Variants in PPFIA2 observed in about 807,000 individuals in gnomAD.
PPFIA2 encodes the protein PPFI scaffold protein A2, also known as liprin-alpha-2.
A neutral mutation model predicts 175.5 loss-of-function variants in PPFIA2; 46 were observed. That is an observed-to-expected ratio of 0.26 (90% confidence interval 0.21 to 0.34). PPFIA2 has a LOEUF of 0.34. Ranked by LOEUF, PPFIA2 falls within the 10% of genes least tolerant of loss-of-function variation. PPFIA2 has a pLI of 1.00. For synonymous variants in PPFIA2, 568 were observed against 511.4 expected (o/e 1.11, Z -1.49); for missense variants, 1,179 against 1,506.1 (o/e 0.78, Z 3.60).
At chr12:81,632,780 G>A (rs1431866908) in intron 4 of PPFIA2, among the ~76,000 whole-genome samples, 3 of 151,974 alleles carry the variant, frequency 2.0e-5, no homozygotes, top group Admixed American at 1.3e-4. Context: ...ATGTGTATAA[G>A]GGGTCCCGTT....
rs192750968 is a variant in PPFIA2, at chr12:81,275,130, C to T, written c.3310+2187G>A. ...AAGACATTCATTGTGTGGTCACATGCAAACTTCCTTCTGGGGTCCATCTTT... is the reference window on the plus strand; with the variant it reads ...AAGACATTCATTGTGTGGTCACATGTAAACTTCCTTCTGGGGTCCATCTTT... On this transcript the variant is annotated intron_variant, in intron 28 of 32. Transcript: ENST00000549396. Among the ~76,000 whole-genome samples the T allele has an allele frequency of 1.1e-3, 175 of 152,288 alleles. 2 individuals carry two copies. The highest frequency in any genetic ancestry group is 2.4e-4 in the Non-Finnish European group (16 of 68,008).
chr12:81,371,850 T>C (rs2035191386), intron 11 of PPFIA2, among the ~76,000 whole-genome samples: 2 of 151,630 alleles, frequency 1.3e-5, no homozygotes, highest in African/African-American at 4.8e-5. Context: ...TAACCATTAA[T>C]CAATCATTCT....
At chr12:81,334,422 A>G (rs1363792547) in intron 21 of PPFIA2, among the ~76,000 whole-genome samples, 1 of 151,894 alleles carries the variant, frequency 6.6e-6, no homozygotes, top group African/African-American at 2.4e-5. Flanking sequence ...GGTTCAATAT[A>G]TGTCTATTCA....
At chr12:81,364,545 C>T (rs751461929) in intron 14 of PPFIA2, among the ~76,000 whole-genome samples, 1 of 151,818 alleles carries the variant, frequency 6.6e-6, no homozygotes, top group South Asian at 2.1e-4. Flanking sequence ...CACCACTGCA[C>T]CTGGCTAATT....
At position 81,436,246 on chromosome 12, in the gene PPFIA2, A is replaced by G. The variant is rs2048970047; in HGVS notation, c.645+3726T>C. Among the ~76,000 whole-genome samples, 4 of 126,892 alleles carry G rather than the reference A, an allele frequency of 3.2e-5. No individual in the cohort carries two copies. In the South Asian group the frequency reaches 1.1e-3, roughly 36 times the overall value. The allele number at this position is 126,892 out of a possible 152,430, so 83.2% of individuals were successfully genotyped here. ...CAGTAAGCCTTGATCGTGCCACTGC[A>G]CTCCAGCCTGGGCAACAGAGTGAGA... On this transcript the variant is annotated intron_variant, in intron 7 of 32. Transcript: ENST00000549396.
chr12:81,372,513 G>GAAAAAAAAAAAAAAA (rs3075257), intron 11 of PPFIA2, among the ~76,000 whole-genome samples: 2 of 93,632 alleles, frequency 2.1e-5, no homozygotes, highest in Non-Finnish European at 5.1e-5. Flanking sequence ...AATTGAAACA[G>GAAAAAAAAAAAAAAA]AAAAAAAAAA....
chr12:81,361,984 T>C (rs533357960), intron 15 of PPFIA2, among the ~76,000 whole-genome samples: 4 of 145,484 alleles, frequency 2.7e-5, no homozygotes, highest in African/African-American at 1.0e-4. Flanking sequence ...GATCTATCTA[T>C]GTATCTATCT....
chr12:81,356,226 A>C (rs2060830487), intron 16 of PPFIA2, among the ~76,000 whole-genome samples: 1 of 152,190 alleles, frequency 6.6e-6, no homozygotes, highest in Non-Finnish European at 1.5e-5. Flanking sequence ...GTTGGAGCAG[A>C]AGCACACACA....
At chr12:81,466,187 G>A (rs1327676245) in intron 4 of PPFIA2, among the ~76,000 whole-genome samples, 1 of 152,050 alleles carries the variant, frequency 6.6e-6, no homozygotes, top group East Asian at 1.9e-4. Context: ...AGAAAACTGG[G>A]TTTAAATTCC....
At chr12:81,713,088 T>C (rs1478831875) in intron 3 of PPFIA2, among the ~76,000 whole-genome samples, 1 of 151,242 alleles carries the variant, frequency 6.6e-6, no homozygotes, top group African/African-American at 2.4e-5. Context: ...GTGTGATACA[T>C]AGCCATGATT....
intron 3 of PPFIA2, among the ~76,000 whole-genome samples, chr12:81,692,216 A>G (rs1443053607): frequency 6.6e-6 from 1 of 151,998 alleles, no homozygotes; most frequent in Non-Finnish European, 1.5e-5. Flanking sequence ...CATGCCAACC[A>G]CTAGCCAGGA....
At chr12:81,326,828 A>C (rs546746915) in intron 21 of PPFIA2, among the ~76,000 whole-genome samples, 35 of 152,206 alleles carry the variant, frequency 2.3e-4, no homozygotes, top group Non-Finnish European at 3.5e-4. Context: ...ATTAAACTCC[A>C]GTTAAGGTCA....
chr12:81,389,978 T>C (rs2039808113), intron 8 of PPFIA2, among the ~76,000 whole-genome samples: 1 of 152,060 alleles, frequency 6.6e-6, no homozygotes, highest in Admixed American at 6.6e-5. Flanking sequence ...AACCACTAAC[T>C]ACTTTCTGTC....
At chr12:81,393,214 T>C (rs117354906) in intron 8 of PPFIA2, among the ~76,000 whole-genome samples, 2,102 of 152,196 alleles carry the variant, frequency 0.014, 22 homozygotes, top group Non-Finnish European at 0.02. Flanking sequence ...TAATGATTGA[T>C]AGAGAAAAAC....
intron 17 of PPFIA2, among the ~76,000 whole-genome samples, chr12:81,349,754 GA>G (rs2059690447): frequency 6.6e-6 from 1 of 152,110 alleles, no homozygotes; most frequent in African/African-American, 2.4e-5. Context: ...TTGGGTAAGA[GA>G]GTATATTGAA....
intron 4 of PPFIA2, among the ~76,000 whole-genome samples, chr12:81,507,761 C>G (rs1377251124): frequency 6.6e-6 from 1 of 152,130 alleles, no homozygotes; most frequent in African/African-American, 2.4e-5. Context: ...CCTTTTAAAA[C>G]ATAAAACATA....
chr12:81,666,241 C>T (rs1326021861), intron 4 of PPFIA2, among the ~76,000 whole-genome samples: 1 of 152,152 alleles, frequency 6.6e-6, no homozygotes, highest in Non-Finnish European at 1.5e-5. Flanking sequence ...TACTGTTTGA[C>T]CCAGCCATCC....
At chr12:81,643,790 G>A (rs890401117) in intron 4 of PPFIA2, among the ~76,000 whole-genome samples, 40 of 151,970 alleles carry the variant, frequency 2.6e-4, no homozygotes, top group Admixed American at 2.3e-3. Flanking sequence ...TCGTAGAAGA[G>A]TGATATGACT....
chr12:81,578,720 T>G (rs2153424707), intron 4 of PPFIA2, among the ~76,000 whole-genome samples: 1 of 151,922 alleles, frequency 6.6e-6, no homozygotes, highest in African/African-American at 2.4e-5. Context: ...CGTAGTTAAA[T>G]AACTTGCCCA....
Sources: allele counts gnomAD v4.1 joint callset (sites outside exome capture counted in the v4.1 genomes callset), GRCh38; gene constraint gnomAD v4.1.1; transcripts MANE v1.5; gene names NCBI Gene and HGNC (gene_info 2026-07-23, HGNC 2026-07-21).